Variants in FMN2 observed in about 807,000 individuals in gnomAD.
FMN2 encodes formin-2.
A neutral mutation model predicts 142.3 loss-of-function variants in FMN2; 51 were observed. That is an observed-to-expected ratio of 0.36 (90% CI 0.29 to 0.45). The LOEUF is 0.45. Among genes scored for constraint, FMN2 ranks in the 20% least tolerant of loss-of-function variants. The probability of loss-of-function intolerance (pLI) is 1.00; values close to 1 mark genes in which losing one functional copy is unlikely to be tolerated. For missense variants in FMN2, 1,936 were observed against 2,122.8 expected, an observed-to-expected ratio of 0.91 and a Z score of 1.73; for synonymous variants, 882 against 869.8, an observed-to-expected ratio of 1.01 and a Z score of -0.25.
At chr1:240,313,773 G>C (rs1670670801) in intron 8 of FMN2, among the ~76,000 whole-genome samples, 1 of 152,116 alleles carries the variant, frequency 6.6e-6, no homozygotes, top group Non-Finnish European at 1.5e-5. Context: ...TTCGAAACCA[G>C]CCTGGCCAAC....
intron 7 of FMN2, among the ~76,000 whole-genome samples, chr1:240,284,789 A>G (rs573485615): frequency 6.6e-6 from 1 of 152,252 alleles, no homozygotes; most frequent in African/African-American, 2.4e-5. Context: ...GTAGTGAGTA[A>G]GTTCTGTGAA....
chr1:240,131,038 T>G (rs1662713835), intron 2 of FMN2, among the ~76,000 whole-genome samples: 1 of 152,134 alleles, frequency 6.6e-6, no homozygotes, highest in African/African-American at 2.4e-5. Context: ...TTATTGGAGC[T>G]TAGTGGTTGA....
intron 2 of FMN2, among the ~76,000 whole-genome samples, chr1:240,136,847 C>T (rs144540021): frequency 0.015 from 2,302 of 151,944 alleles, 65 homozygotes; most frequent in African/African-American, 0.053. Flanking sequence ...CCAAGGTGGG[C>T]GGAGCACAAG....
At chr1:240,425,797 T>C (rs1345972736) in intron 15 of FMN2, among the ~76,000 whole-genome samples, 1 of 152,168 alleles carries the variant, frequency 6.6e-6, no homozygotes, top group Non-Finnish European at 1.5e-5. Context: ...CCTTGACTCT[T>C]TGATTTGTTG....
chr1:240,281,650 T>C (rs929222251), intron 7 of FMN2, among the ~76,000 whole-genome samples: 1 of 152,236 alleles, frequency 6.6e-6, no homozygotes, highest in African/African-American at 2.4e-5. Flanking sequence ...AGTACATTTT[T>C]GTCTTACAGT....
Position 240,329,587 on chromosome 1 carries a change from G to A in FMN2, c.4437+119G>A, listed in dbSNP as rs573806488. The A allele has an allele frequency of 2.5e-4, 327 of 1,315,316 alleles. No individual in the cohort carries two copies. The East Asian group carries it at 2.5e-3, about 10-fold the overall frequency. 81.5% of individuals were successfully genotyped at this position (1,315,316 alleles called of 1,614,324 possible). ...AAGTACTCACCAAATTTGAAGGATC[G>A]CAGTCCCACAGAAGGGAACATTTTA... On this transcript the variant is annotated intron_variant, in intron 10 of 17. Coordinates refer to ENST00000319653, the MANE Select transcript of FMN2 (RefSeq NM_020066.5).
At chr1:240,224,135 C>G (rs2103428477) in intron 6 of FMN2, among the ~76,000 whole-genome samples, 1 of 152,174 alleles carries the variant, frequency 6.6e-6, no homozygotes, top group South Asian at 2.1e-4. Flanking sequence ...TATAAATTTC[C>G]CTCTTAATTA....
At chr1:240,120,548 C>A (rs1218190552) in intron 1 of FMN2, among the ~76,000 whole-genome samples, 1 of 152,088 alleles carries the variant, frequency 6.6e-6, no homozygotes, top group African/African-American at 2.4e-5. Flanking sequence ...TTTTTATGTG[C>A]AAGTGACCAA....
intron 4 of FMN2, among the ~76,000 whole-genome samples, chr1:240,199,774 A>G (rs1171133512): frequency 1.3e-5 from 2 of 152,220 alleles, no homozygotes; most frequent in Admixed American, 6.5e-5. Flanking sequence ...TATAAAGCAT[A>G]TTAATTATTG....
intron 2 of FMN2, among the ~76,000 whole-genome samples, chr1:240,173,185 C>T (rs1664779494): frequency 6.6e-6 from 1 of 152,166 alleles, no homozygotes; most frequent in Non-Finnish European, 1.5e-5. Flanking sequence ...ATCTGCCCGG[C>T]TTGGCCTCCC....
intron 6 of FMN2, among the ~76,000 whole-genome samples, chr1:240,215,666 G>T (rs1255393129): frequency 6.6e-6 from 1 of 152,092 alleles, no homozygotes; most frequent in Non-Finnish European, 1.5e-5. Context: ...AAATAAAATT[G>T]TATGTGAGAC....
chr1:240,190,179 A>T (rs1558348993), intron 4 of FMN2, among the ~76,000 whole-genome samples: 1 of 152,210 alleles, frequency 6.6e-6, no homozygotes, highest in East Asian at 1.9e-4. Context: ...TAGGTTATTT[A>T]AAAACACTTG....
chr1:240,252,953 C>CTTTTTT lies in FMN2; in HGVS notation c.4066-4980_4066-4975dup, dbSNP rs59902639. Among the ~76,000 whole-genome samples, 216 of 65,340 alleles carry CTTTTTT rather than the reference C, an allele frequency of 3.3e-3. 38 individuals carry two copies. The highest frequency in any genetic ancestry group is 6.6e-3 in the African/African-American group (97 of 14,750). 42.9% of individuals were successfully genotyped at this position (65,340 alleles called of 152,430 possible). ...CCCATGTGTGATGTAGTCTTGTTCA[C>CTTTTTT]TTTTTTTTTTTTTTTTTGGAGACAG... On this transcript the variant is annotated intron_variant, in intron 6 of 17. Coordinates refer to ENST00000319653, the MANE Select transcript of FMN2 (RefSeq NM_020066.5).
rs540491391 is a variant in FMN2, at chr1:240,317,277, C to T, written c.4216-11799C>T. Among the ~76,000 whole-genome samples, 581 of 151,814 alleles carry T rather than the reference C, an allele frequency of 3.8e-3. 2 individuals are homozygous for T. Among genetic ancestry groups the T allele is most frequent in the African/African-American group, 0.014 (562 of 41,372 alleles). On this transcript the variant is annotated intron_variant, in intron 8 of 17. Transcript: ENST00000319653. ...GTTGCAGTGAGCCGATATCATGCCACTGCACTCCAGCCTGGGGAGACTCCA... is the reference window on the plus strand; with the variant it reads ...GTTGCAGTGAGCCGATATCATGCCATTGCACTCCAGCCTGGGGAGACTCCA...
chr1:240,333,738 T>A (rs960210895), intron 11 of FMN2, 149 bp from the exon 12 acceptor site: 1 of 580,546 alleles, frequency 1.7e-6, no homozygotes, highest in Non-Finnish European at 2.8e-6. Context: ...TTAGACACAA[T>A]GGCCAAGACA....
chr1:240,378,207 A>G (rs1673109799), intron 14 of FMN2, among the ~76,000 whole-genome samples: 1 of 151,762 alleles, frequency 6.6e-6, no homozygotes, highest in African/African-American at 2.4e-5. Flanking sequence ...CTAGAGTACA[A>G]TGGCATGATC....
intron 6 of FMN2, among the ~76,000 whole-genome samples, chr1:240,253,631 A>G (rs1668353718): frequency 6.6e-6 from 1 of 152,132 alleles, no homozygotes; most frequent in African/African-American, 2.4e-5. Flanking sequence ...CTGGAGAATT[A>G]TTATGTTCAT....
Position 240,176,339 on chromosome 1 carries a change from A to G in FMN2, c.1783-1582A>G, listed in dbSNP as rs116412241. 8.2e-3 allele frequency among the ~76,000 whole-genome samples: 1,244 copies of G among 152,344 alleles called. 18 individuals are homozygous for G. Among genetic ancestry groups the G allele is most frequent in the African/African-American group, 0.029 (1,194 of 41,578 alleles). On this transcript the variant is annotated intron_variant, in intron 2 of 17. Transcript: ENST00000319653. ...CATTAGTTTGCACAAGAGCCTATCC[A>G]AGCTGACTTGAGAGTCAGAGCGTGG...
intron 7 of FMN2, among the ~76,000 whole-genome samples, chr1:240,281,842 C>A (rs1480424954): frequency 1.3e-5 from 2 of 152,106 alleles, no homozygotes; most frequent in African/African-American, 4.8e-5. Flanking sequence ...GAAAATAACC[C>A]ATTTTTCCAT....
Sources: gnomAD v4.1 joint callset for allele counts (sites outside exome capture counted in the v4.1 genomes callset) on GRCh38, gnomAD v4.1.1 for gene constraint, MANE v1.5 for transcripts, NCBI Gene and HGNC (gene_info 2026-07-23, HGNC 2026-07-21) for gene names.